The following MORC4 variants were observed in gnomAD, a reference collection of about 807,000 sequenced individuals.
MORC4 encodes MORC family CW-type zinc finger protein 4.
In MORC4, 22 loss-of-function variants were observed where a neutral mutation model predicts 65.5. The ratio of observed to expected loss-of-function variants is 0.34; its 90% CI spans 0.24 to 0.48. The LOEUF (loss-of-function observed/expected upper bound fraction) is 0.48. MORC4 is among the 20% of genes least tolerant of loss of function. MORC4 has a pLI of 0.99. For missense variants in MORC4, 624 were observed against 703.0 expected (o/e 0.89, Z 1.27); for synonymous variants, 267 against 255.8 (o/e 1.04, Z -0.42).
At position 106,941,618 on chromosome X, in the gene MORC4, A is replaced by C; in HGVS notation, c.2675T>G (p.Leu892Arg). The C allele has an allele frequency of 8.3e-7, 1 of 1,210,678 alleles. No homozygotes were observed. The highest frequency in any genetic ancestry group is 1.1e-6 in the Non-Finnish European group (1 of 894,887). The change falls in exon 17 of 17, where the codon CTT (leucine) becomes CGT (arginine). Residue 892 changes from leucine to arginine, a missense_variant. Physicochemically the swap from Leu to Arg is moderately radical, Grantham distance 102 (BLOSUM62 -2). Transcript: ENST00000355610. ...GDDLERALAKLTRLRIHVSYL... is the reference protein window; with the variant it reads ...GDDLERALAKRTRLRIHVSYL... ...GCTGACGTGGATACGTAGCCGCGTA[A>C]GCTTTGCCAAAGCCCTGTATGAAGG...
chrX:106,992,367 T>C (rs1213069345), intron 3 of MORC4, among the ~76,000 whole-genome samples: 2 of 112,181 alleles, frequency 1.8e-5, no homozygotes, highest in Admixed American at 9.4e-5. Flanking sequence ...CATTCCACCA[T>C]TGTTACTCGT....
intron 3 of MORC4, among the ~76,000 whole-genome samples, chrX:106,990,550 G>A (rs1293036710): frequency 8.0e-5 from 9 of 112,459 alleles, no homozygotes; most frequent in Non-Finnish European, 1.5e-4. Flanking sequence ...GAGCCACCAT[G>A]CTTGGCCTTA....
Position 106,993,592 on chromosome X carries a change from T to A in MORC4, c.176-230A>T, listed in dbSNP as rs138395259. On this transcript the variant is annotated intron_variant, in intron 2 of 16. Coordinates refer to ENST00000355610, the MANE Select transcript of MORC4 (RefSeq NM_024657.5). ...ATTTCCAGATTTCATACGAGCGATA[T>A]GCAATCTGCCTTTCCACCTTCGAAC... is the stretch of plus-strand genomic sequence containing the variant. Among the ~76,000 whole-genome samples the A allele has an allele frequency of 1.4e-4, 16 of 112,203 alleles. 1 individual carries two copies. In the East Asian group the frequency reaches 4.5e-3, roughly 31 times the overall value.
intron 14 of MORC4, among the ~76,000 whole-genome samples, chrX:106,954,289 T>C (rs1250927109): frequency 8.9e-6 from 1 of 112,364 alleles, no homozygotes; most frequent in Non-Finnish European, 1.9e-5. Context: ...GGCAGTCATA[T>C]CCTTCAGTGC....
In MORC4 at chrX:106,976,682, T is replaced by C. The variant is rs373811383; in HGVS notation, c.1059A>G (p.Pro353=). ...TTACTCCTACACCTTCTCCACGAGT[T>C]GGCTTAGAAGAAAATATTAATTTCA... is the stretch of plus-strand genomic sequence containing the variant. ...SFEKVGCQVK[P]TRGEGVGVIG... Residue 353 remains proline (P), a splice_region_variant and synonymous_variant, in exon 9 of 17, where the codon CCA becomes CCG. Coordinates refer to ENST00000355610, the MANE Select transcript of MORC4 (RefSeq NM_024657.5). 1 of 1,189,536 alleles carries C rather than the reference T, an allele frequency of 8.4e-7. No individual in the cohort carries two copies. The highest frequency in any genetic ancestry group is 1.1e-6 in the Non-Finnish European group (1 of 876,734).
chrX:106,978,694 A>C (rs1017762103), intron 7 of MORC4, among the ~76,000 whole-genome samples: 1 of 111,311 alleles, frequency 9.0e-6, no homozygotes, highest in African/African-American at 3.2e-5. Flanking sequence ...GTGATTTAAA[A>C]ATTGACAAAT....
At chrX:106,942,480 G>C in intron 15 of MORC4, 35 bp downstream of exon 15, 4 of 1,134,199 alleles carry the variant, frequency 3.5e-6, no homozygotes, top group Non-Finnish European at 4.8e-6. Context: ...GGTTACTATG[G>C]TCTCTTATTC....
intron 9 of MORC4, among the ~76,000 whole-genome samples, chrX:106,969,692 T>C (rs1045963339): frequency 4.5e-5 from 5 of 111,867 alleles, no homozygotes; most frequent in African/African-American, 1.6e-4. Context: ...GAGAATACTA[T>C]AAACACCTCT....
intron 9 of MORC4, among the ~76,000 whole-genome samples, chrX:106,964,223 A>C (rs1934320784): frequency 8.9e-6 from 1 of 112,325 alleles, no homozygotes; most frequent in Non-Finnish European, 1.9e-5. Context: ...TCTGGAGCTG[A>C]AAAGTCTAAA....
chrX:106,955,435 T>C (rs1454738274), intron 13 of MORC4, among the ~76,000 whole-genome samples: 1 of 109,775 alleles, frequency 9.1e-6, no homozygotes, highest in Non-Finnish European at 1.9e-5. Flanking sequence ...ATGATGAGGG[T>C]AGGGTGGTGG....
intron 14 of MORC4, among the ~76,000 whole-genome samples, chrX:106,952,280 A>G (rs2147806483): frequency 8.9e-6 from 1 of 112,153 alleles, no homozygotes; most frequent in South Asian, 3.7e-4. Flanking sequence ...ATAGCCTACT[A>G]TACACCTAGG....
At chrX:106,994,434 C>T (rs1250805512) in intron 2 of MORC4, among the ~76,000 whole-genome samples, 4 of 112,058 alleles carry the variant, frequency 3.6e-5, no homozygotes, top group African/African-American at 6.5e-5. Context: ...AAAAGCTAAG[C>T]TAAGACAGCC....
chrX:106,975,256 T>C (rs538329292), intron 9 of MORC4, among the ~76,000 whole-genome samples: 19 of 112,096 alleles, frequency 1.7e-4, no homozygotes, highest in Admixed American at 3.8e-4. Flanking sequence ...TTTCACTCAA[T>C]TGAAACATAA....
At chrX:106,991,931 C>T (rs965685805) in intron 3 of MORC4, among the ~76,000 whole-genome samples, 2 of 111,263 alleles carry the variant, frequency 1.8e-5, no homozygotes, top group Non-Finnish European at 3.8e-5. Flanking sequence ...AGTAATTTTA[C>T]GGGGAAAACA....
In MORC4 at chrX:106,958,580, G is replaced by C; in HGVS notation, c.1257-116C>G. ...CCTAATTTCATATATGAAATATGTTGGGAATGTTATCATCTTGGTGCCCAA... is the reference window on the plus strand; with the variant it reads ...CCTAATTTCATATATGAAATATGTTCGGAATGTTATCATCTTGGTGCCCAA... On this transcript the variant is annotated intron_variant, in intron 10 of 16. Transcript: ENST00000355610. The C allele has an allele frequency of 6.4e-6, 4 of 622,305 alleles. No individual in the cohort carries two copies. In the South Asian group the frequency reaches 2.0e-4, roughly 31 times the overall value. 51.3% of individuals were successfully genotyped at this position (622,305 alleles called of 1,213,427 possible). A position where few individuals can be genotyped will look rare whatever the true frequency, so the allele number is the denominator to read the frequency against.
intron 7 of MORC4, among the ~76,000 whole-genome samples, chrX:106,980,173 C>A (rs1215258571): frequency 9.0e-6 from 1 of 110,931 alleles, no homozygotes; most frequent in Admixed American, 9.7e-5. Context: ...TTTTCTGCCC[C>A]AAAAGCCATC....
At chrX:106,997,435 C>G (rs1034465236) in intron 2 of MORC4, among the ~76,000 whole-genome samples, 14 of 111,762 alleles carry the variant, frequency 1.3e-4, no homozygotes, top group Non-Finnish European at 2.4e-4. Flanking sequence ...AAACTTCAGG[C>G]TAAAAAGCCA....
At chrX:106,972,491 C>T (rs1934540778) in intron 9 of MORC4, among the ~76,000 whole-genome samples, 1 of 111,371 alleles carries the variant, frequency 9.0e-6, no homozygotes, top group Admixed American at 9.5e-5. Context: ...AAGCCTGTGA[C>T]TCACAGATCT....
chrX:106,950,929 G>C (rs771052963), intron 14 of MORC4, among the ~76,000 whole-genome samples: 1 of 112,096 alleles, frequency 8.9e-6, no homozygotes, highest in African/African-American at 3.2e-5. Context: ...TTCTTCCTGA[G>C]ATTTAGAAGA....
Sources: allele counts gnomAD v4.1 joint callset (sites outside exome capture counted in the v4.1 genomes callset), GRCh38; gene constraint gnomAD v4.1.1; transcripts MANE v1.5; gene names NCBI Gene and HGNC (gene_info 2026-07-23, HGNC 2026-07-21).